ENDOU: variants seen among roughly 807,000 people sequenced by gnomAD.
ENDOU encodes the protein uridylate-specific endoribonuclease.
In ENDOU, 49 loss-of-function variants were observed where a neutral mutation model predicts 54.2. That is an observed-to-expected ratio of 0.90 (90% CI 0.72 to 1.15). The LOEUF is 1.15. Ranked by LOEUF, ENDOU falls within the 50% of genes most tolerant of loss-of-function variation. The pLI is 0.00. For missense variants in ENDOU, 458 were observed against 511.4 expected, an observed-to-expected ratio of 0.90 and a Z score of 1.01; for synonymous variants, 172 against 190.5, an observed-to-expected ratio of 0.90 and a Z score of 0.80.
rs147202225 is a variant in ENDOU, at chr12:47,720,831, G to A, written c.100C>T (p.Arg34Trp). The A allele has an allele frequency of 1.1e-4, 169 of 1,536,038 alleles. No individual in the cohort carries two copies. In the East Asian group the frequency reaches 3.0e-3, roughly 27 times the overall value. The change falls in exon 2 of 10, where the codon CGG becomes TGG. Residue 34 changes from arginine to tryptophan, a missense_variant. Physicochemically the swap from Arg to Trp is moderately radical, Grantham distance 101 (BLOSUM62 -3). Coordinates refer to ENST00000422538, the MANE Select transcript of ENDOU (RefSeq NM_001172439.2). ...CASRCNEKFN[R>W]DAACQCDRRC... The stretch of plus-strand genomic sequence containing the variant: ...CGGTCACACTGGCAGGCAGCGTCCC[G>A]GTTAAATTTCTCATTACATCGAGAT...
At position 47,710,654 on chromosome 12, in the gene ENDOU, ATGTGGGC is replaced by A; in HGVS notation, c.*141_*147del. ...AATTTGTACATTTTATCTCTTTCCC[ATGTGGGC>A]ACTTTGGGATTTAGGAATGCTTCTC... On this transcript the variant is annotated 3_prime_UTR_variant, in exon 10 of 10. Coordinates refer to ENST00000422538, the MANE Select transcript of ENDOU (RefSeq NM_001172439.2). 1 of 666,112 alleles carries A rather than the reference ATGTGGGC, an allele frequency of 1.5e-6. No homozygotes were observed. The highest frequency in any genetic ancestry group is 2.8e-6 in the Non-Finnish European group (1 of 362,808). 41.3% of individuals were successfully genotyped at this position (666,112 alleles called of 1,614,324 possible).
At chr12:47,716,864 T>C in intron 5 of ENDOU, 26 bp downstream of exon 5, 1 of 1,611,748 alleles carries the variant, frequency 6.2e-7, no homozygotes, top group Non-Finnish European at 8.5e-7. Flanking sequence ...ATTTAGGGGG[T>C]AGAAAGAGGA....
rs748208403 is a variant in ENDOU, at chr12:47,717,561, A to G, written c.339T>C (p.Phe113=). The G allele has an allele frequency of 6.2e-7, 1 of 1,614,072 alleles. No individual in the cohort carries two copies. Among genetic ancestry groups the G allele is most frequent in the Non-Finnish European group, 8.5e-7 (1 of 1,180,038 alleles). The change falls in exon 4 of 10, where the codon TTT becomes TTC. Residue 113 remains phenylalanine, a synonymous_variant. Coordinates refer to ENST00000422538, the MANE Select transcript of ENDOU (RefSeq NM_001172439.2). The part of the protein sequence containing the change: ...QCHCNARCQE[F]GNCCKDFESL... ...TCTCAAAATCCTTGCAGCAGTTCCC[A>G]AACTCTTGGCAGCGGGCATTGCAGT...
At chr12:47,716,854 A>T in intron 5 of ENDOU, 36 bp downstream of exon 5, 1 of 1,610,460 alleles carries the variant, frequency 6.2e-7, no homozygotes, top group Non-Finnish European at 8.5e-7. Flanking sequence ...TAGGGGCAAG[A>T]TTTAGGGGGT....
chr12:47,717,427 G>T, intron 4 of ENDOU, 91 bp downstream of exon 4: 2 of 1,410,654 alleles, frequency 1.4e-6, no homozygotes, highest in Non-Finnish European at 2.0e-6. Flanking sequence ...CTCAGACATT[G>T]CTGAAGCTGC....
At chr12:47,725,308 G>T in intron 1 of ENDOU, 51 bp downstream of exon 1, 2 of 1,601,584 alleles carry the variant, frequency 1.2e-6, no homozygotes, top group South Asian at 2.2e-5. Context: ...TGCTTCTTTA[G>T]GCAAGATCCC....
In ENDOU at chr12:47,716,989, G is replaced by A. The variant is rs769987018; in HGVS notation, c.452C>T (p.Ala151Val). 112 of 1,613,842 alleles carry A rather than the reference G, an allele frequency of 6.9e-5. 1 individual carries two copies. In the East Asian group the frequency reaches 2.5e-3, roughly 36 times the overall value. The change falls in exon 5 of 10, where the codon GCA becomes GTA. Residue 151 changes from alanine to valine, a missense_variant. Ala to Val is a moderately conservative substitution (Grantham distance 64, BLOSUM62 0). Transcript: ENST00000422538. The part of the protein sequence containing the change: ...IQSISEKIYR[A>V]DTNKAQKEDI... ...TTCCTTCTGGGCTTTGTTGGTGTCT[G>A]CCCTGTAGATCTTCTCAGAGATGCT...
intron 6 of ENDOU, among the ~76,000 whole-genome samples, chr12:47,714,180 AT>A (rs1488820555): frequency 1.3e-5 from 2 of 152,270 alleles, no homozygotes; most frequent in Non-Finnish European, 2.9e-5. Flanking sequence ...CAACTTAGAA[AT>A]GAAGAAACTG....
chr12:47,713,139 A>G (rs1354294574), intron 7 of ENDOU, 136 bp downstream of exon 7: 6 of 643,080 alleles, frequency 9.3e-6, no homozygotes, highest in Non-Finnish European at 1.7e-5. Context: ...CCATATGGGC[A>G]GGGGAGAGTG....
At chr12:47,713,742 G>GT (rs926870882) in intron 6 of ENDOU, among the ~76,000 whole-genome samples, 2 of 62,318 alleles carry the variant, frequency 3.2e-5, no homozygotes, top group Non-Finnish European at 5.0e-5. Context: ...TAAGTTGGCG[G>GT]GGGGGGGGGG....
intron 4 of ENDOU, 163 bp downstream of exon 4, chr12:47,717,355 C>T: frequency 1.3e-6 from 1 of 796,244 alleles, no homozygotes. Flanking sequence ...GAGTCCCATC[C>T]CTAGAGTTTC....
At position 47,711,787 on chromosome 12, in the gene ENDOU, AG is replaced by A. The variant is rs1480656026; in HGVS notation, c.973-13del. 6.2e-7 allele frequency: 1 copy of A among 1,613,930 alleles called. No individual in the cohort carries two copies. Among genetic ancestry groups the A allele is most frequent in the Non-Finnish European group, 8.5e-7 (1 of 1,179,938 alleles). ...GGGTAAGAATCCCACTGTGGAGGGA[AG>A]GGCAGAAAAGGGGGTCTGGTGAGTG... is the stretch of plus-strand genomic sequence containing the variant. On this transcript the variant is annotated splice_polypyrimidine_tract_variant and intron_variant, in intron 8 of 9. Coordinates refer to ENST00000422538, the MANE Select transcript of ENDOU (RefSeq NM_001172439.2).
At chr12:47,717,694 A>G (rs1466330621) in intron 3 of ENDOU, 39 bp from the exon 4 acceptor site, 2 of 1,604,638 alleles carry the variant, frequency 1.2e-6, no homozygotes, top group Non-Finnish European at 1.7e-6. Context: ...GCTGACCTCT[A>G]GAGGTCGCTC....
chr12:47,711,565 A>G, intron 9 of ENDOU, 68 bp downstream of exon 9: 1 of 1,557,562 alleles, frequency 6.4e-7, no homozygotes, highest in Admixed American at 1.8e-5. Flanking sequence ...AGGTCTCTTG[A>G]CTCTGTGATG....
intron 7 of ENDOU, 33 bp from the exon 8 acceptor site, chr12:47,712,655 G>C: frequency 1.3e-6 from 2 of 1,517,956 alleles, no homozygotes; most frequent in Non-Finnish European, 1.8e-6. Flanking sequence ...GATAATCTGG[G>C]CTCCTTCCCC....
rs749711320 is a variant in ENDOU, at chr12:47,713,304, TC to T, written c.835del (p.Asp279ThrfsTer13). ...GLYSRGNEEG[D>X]SSGFEHVFSG... ...GAAGACATGTTCAAAGCCACTCGAG[TC>T]CCCCTCTTCATTGCCTCTTGAATAG... On this transcript the variant is annotated frameshift_variant, in exon 7 of 10. Coordinates refer to ENST00000422538, the MANE Select transcript of ENDOU (RefSeq NM_001172439.2). LOFTEE classifies it high-confidence loss of function. 1 of 1,612,270 alleles carries T rather than the reference TC, an allele frequency of 6.2e-7. No homozygotes were observed. The highest frequency in any genetic ancestry group is 1.1e-5 in the South Asian group (1 of 90,986).
chr12:47,714,958 TCA>T (rs937209930), intron 6 of ENDOU, among the ~76,000 whole-genome samples: 6 of 152,244 alleles, frequency 3.9e-5, no homozygotes, highest in Admixed American at 1.3e-4. Flanking sequence ...GAGAATGGTT[TCA>T]CACACTGAAT....
In ENDOU at chr12:47,722,413, G is replaced by A. The variant is rs781151740; in HGVS notation, c.56-1538C>T. ...TTTGAACTTCTGTGCGTTGGTTTTCGTATCTGTAAAAGTGGGATGATAATG... is the reference window on the plus strand; with the variant it reads ...TTTGAACTTCTGTGCGTTGGTTTTCATATCTGTAAAAGTGGGATGATAATG... On this transcript the variant is annotated intron_variant, in intron 1 of 9. Transcript: ENST00000422538. 5.9e-5 allele frequency among the ~76,000 whole-genome samples: 9 copies of A among 152,262 alleles called. No individual in the cohort carries two copies. In the South Asian group the frequency reaches 6.2e-4, roughly 11 times the overall value.
intron 1 of ENDOU, among the ~76,000 whole-genome samples, chr12:47,723,294 G>T (rs542288066): frequency 6.6e-6 from 1 of 152,300 alleles, no homozygotes; most frequent in East Asian, 1.9e-4. Flanking sequence ...CTTGGGATTT[G>T]ACAGTGGAGT....
Sources: gnomAD v4.1 joint callset for allele counts (sites outside exome capture counted in the v4.1 genomes callset) on GRCh38, gnomAD v4.1.1 for gene constraint, MANE v1.5 for transcripts, NCBI Gene and HGNC (gene_info 2026-07-23, HGNC 2026-07-21) for gene names.